The following CHMP2B variants were observed in gnomAD, a reference collection of about 807,000 sequenced individuals.
CHMP2B encodes the protein charged multivesicular body protein 2B.
A neutral mutation model predicts 29.8 loss-of-function variants in CHMP2B; 22 were observed. The ratio of observed to expected loss-of-function variants is 0.74; its 90% CI spans 0.53 to 1.05. The LOEUF is 1.05. CHMP2B is among the 50% of genes least tolerant of loss of function. The pLI is 0.00. For synonymous variants in CHMP2B, 78 were observed against 75.8 expected (o/e 1.03, Z -0.15); for missense variants, 261 against 252.2 (o/e 1.03, Z -0.24).
intron 1 of CHMP2B, 148 bp downstream of exon 1, chr3:87,227,704 C>T: frequency 9.9e-7 from 1 of 1,012,756 alleles, no homozygotes; most frequent in Non-Finnish European, 1.6e-6. Flanking sequence ...CACCACTTCT[C>T]TGCCTCCCTC....
Position 87,240,660 on chromosome 3 carries a change from A to G in CHMP2B, c.35-39A>G, listed in dbSNP as rs199782917. ...TATTTTAAATGATATTGAAAATTTT[A>G]CAACCCATAAATTTAGGTTTCTTTT... On this transcript the variant is annotated intron_variant, in intron 1 of 5. Transcript: ENST00000263780. The G allele has an allele frequency of 1.2e-5, 16 of 1,360,606 alleles. No individual in the cohort carries two copies. The East Asian group carries it at 3.7e-4, about 31-fold the overall frequency. The allele number at this position is 1,360,606 out of a possible 1,614,324, so 84.3% of individuals were successfully genotyped here. A position where few individuals can be genotyped will look rare whatever the true frequency, so the allele number is the denominator to read the frequency against.
In CHMP2B at chr3:87,247,143, G is replaced by A. The variant is rs139351287; in HGVS notation, c.321+1235G>A. 1.9e-3 allele frequency among the ~76,000 whole-genome samples: 292 copies of A among 152,290 alleles called. 5 individuals are homozygous for A. The highest frequency in any genetic ancestry group is 6.6e-3 in the African/African-American group (273 of 41,552). Reference sequence around the variant, plus strand: ...ATGAAGTCGGGAACACTGAAATAGTGCATATTGAACCATTGCTCCCAGGGG... The same window carrying A: ...ATGAAGTCGGGAACACTGAAATAGTACATATTGAACCATTGCTCCCAGGGG... On this transcript the variant is annotated intron_variant, in intron 3 of 5. Transcript: ENST00000263780.
chr3:87,245,863 G>A lies in CHMP2B; in HGVS notation c.276G>A (p.Met92Ile). Reference protein sequence around the residue: ...VTSMSTQTKVMNSQMKMAGAM... With the variant: ...VTSMSTQTKVINSQMKMAGAM... ...CTATGTCTACACAAACAAAAGTGATGAATTCCCAAATGAAGATGGCTGGAG... is the reference window on the plus strand; with the variant it reads ...CTATGTCTACACAAACAAAAGTGATAAATTCCCAAATGAAGATGGCTGGAG... Residue 92 changes from methionine to isoleucine, a missense_variant, in exon 3 of 6, where the codon ATG (methionine) becomes ATA (isoleucine). Transcript: ENST00000263780. The A allele has an allele frequency of 1.2e-6, 2 of 1,613,362 alleles. No homozygotes were observed. The highest frequency in any genetic ancestry group is 8.5e-7 in the Non-Finnish European group (1 of 1,179,782).
At position 87,254,114 on chromosome 3, in the gene CHMP2B, C is replaced by CA. The variant is rs1706362072; in HGVS notation, c.*293dup. On this transcript the variant is annotated 3_prime_UTR_variant, in exon 6 of 6. Transcript: ENST00000263780. ...AGAAATTATATTCCTTACTTCATGTCAGTTTATGTTCTAAATCTTTTTCAC... is the reference window on the plus strand; with the variant it reads ...AGAAATTATATTCCTTACTTCATGTCAAGTTTATGTTCTAAATCTTTTTCAC... The CA allele has an allele frequency of 3.5e-6, 1 of 285,906 alleles. No individual in the cohort carries two copies. Among genetic ancestry groups the CA allele is most frequent in the Non-Finnish European group, 6.8e-6 (1 of 147,654 alleles). 17.7% of individuals were successfully genotyped at this position (285,906 alleles called of 1,614,324 possible). A position where few individuals can be genotyped will look rare whatever the true frequency, so the allele number is the denominator to read the frequency against.
chr3:87,244,433 T>G (rs1238331783), intron 2 of CHMP2B, among the ~76,000 whole-genome samples: 3 of 152,106 alleles, frequency 2.0e-5, no homozygotes, highest in Non-Finnish European at 4.4e-5. Context: ...ATGTTGAAGC[T>G]TATGAAGTAT....
chr3:87,253,147 A>G (rs778638012), intron 4 of CHMP2B: 2 of 366,664 alleles, frequency 5.5e-6, no homozygotes, highest in Non-Finnish European at 1.0e-5. Context: ...TTTGTCTATT[A>G]GAATTAATTT....
At chr3:87,235,507 T>C (rs771458741) in intron 1 of CHMP2B, among the ~76,000 whole-genome samples, 2 of 152,186 alleles carry the variant, frequency 1.3e-5, no homozygotes, top group Non-Finnish European at 2.9e-5. Context: ...AATAGGCCTA[T>C]TAACAACTAT....
rs1252485172 is a variant in CHMP2B at position 87,254,582 on chromosome 3, GC to G, written c.*762del. 1 of 151,728 alleles carries G rather than the reference GC, an allele frequency of 6.6e-6. No homozygotes were observed. Among genetic ancestry groups the G allele is most frequent in the Non-Finnish European group, 1.5e-5 (1 of 67,842 alleles). The allele number at this position is 151,728 out of a possible 1,614,324, so 9.4% of individuals were successfully genotyped here. A position where few individuals can be genotyped will look rare whatever the true frequency, so the allele number is the denominator to read the frequency against. On this transcript the variant is annotated 3_prime_UTR_variant, in exon 6 of 6. Transcript: ENST00000263780. ...AAATATGTACTCTTATTTTAGACAC[GC>G]CTCTGTTAAAACAGACCAGGTTTTC...
chr3:87,240,940 G>A (rs1305598715), intron 2 of CHMP2B, 150 bp downstream of exon 2: 1 of 672,056 alleles, frequency 1.5e-6, no homozygotes, highest in Non-Finnish European at 2.7e-6. Context: ...TGTATCTTCT[G>A]CTTACCTTTG....
chr3:87,245,930 C>G, intron 3 of CHMP2B, 22 bp downstream of exon 3: 1 of 1,559,674 alleles, frequency 6.4e-7, no homozygotes, highest in Non-Finnish European at 8.8e-7. Flanking sequence ...CTTTTATATT[C>G]ATAGATTTTT....
At chr3:87,235,878 G>C (rs924007920) in intron 1 of CHMP2B, among the ~76,000 whole-genome samples, 2 of 152,164 alleles carry the variant, frequency 1.3e-5, no homozygotes, top group Non-Finnish European at 2.9e-5. Flanking sequence ...TGACTGACCA[G>C]GGTTTTCCTA....
In CHMP2B at chr3:87,245,902, A is replaced by G. The variant is rs778796624; in HGVS notation, c.315A>G (p.Thr105=). Residue 105 remains threonine (T), a synonymous_variant, in exon 3 of 6, where the codon ACA becomes ACG. Transcript: ENST00000263780. ...QMKMAGAMST[T]AKTMQAVNKK... ...AGATGGCTGGAGCAATGTCTACTAC[A>G]GCAAAAGTAAGTGAGAGCTTTTATA... 33 of 1,606,450 alleles carry G rather than the reference A, an allele frequency of 2.1e-5. No individual in the cohort carries two copies. The highest frequency in any genetic ancestry group is 2.6e-5 in the Non-Finnish European group (31 of 1,174,520).
chr3:87,245,421 G>T (rs1430057672), intron 2 of CHMP2B, among the ~76,000 whole-genome samples: 8 of 150,252 alleles, frequency 5.3e-5, no homozygotes, highest in Admixed American at 1.3e-4. Flanking sequence ...CCTTCTTTTG[G>T]ATAGTCTTTT....
intron 1 of CHMP2B, among the ~76,000 whole-genome samples, chr3:87,231,465 C>A (rs1000639267): frequency 1.4e-4 from 21 of 152,236 alleles, no homozygotes; most frequent in Admixed American, 1.3e-3. Flanking sequence ...CTTTTCTTTC[C>A]TGTAGCTTCA....
intron 2 of CHMP2B, among the ~76,000 whole-genome samples, chr3:87,243,104 T>C (rs78032854): frequency 1.2e-3 from 190 of 152,290 alleles, no homozygotes; most frequent in African/African-American, 4.4e-3. Context: ...GAAGTTATTA[T>C]GTATCTCTCC....
chr3:87,236,098 T>C (rs1383495692), intron 1 of CHMP2B, among the ~76,000 whole-genome samples: 2 of 152,182 alleles, frequency 1.3e-5, no homozygotes, highest in African/African-American at 4.8e-5. Flanking sequence ...TGTTCACCAA[T>C]TGAGAGGTTC....
intron 1 of CHMP2B, among the ~76,000 whole-genome samples, chr3:87,231,383 C>T (rs1705907542): frequency 6.6e-6 from 1 of 152,136 alleles, no homozygotes; most frequent in African/African-American, 2.4e-5. Context: ...ATAGGATCTT[C>T]CTCTCTGTGT....
rs892278366 is a variant in CHMP2B at position 87,254,750 on chromosome 3, TTA to T, written c.*932_*933del. On this transcript the variant is annotated 3_prime_UTR_variant, in exon 6 of 6. Coordinates refer to ENST00000263780, the MANE Select transcript of CHMP2B (RefSeq NM_014043.4). The stretch of plus-strand genomic sequence containing the variant: ...GGCCATCTAAAAATGAGAATTATAA[TTA>T]TATGAATTATAATTTAAACTGTTTA... 1 of 151,884 alleles carries T rather than the reference TTA, an allele frequency of 6.6e-6. No individual in the cohort carries two copies. Among genetic ancestry groups the T allele is most frequent in the African/African-American group, 2.4e-5 (1 of 41,402 alleles). 9.4% of individuals were successfully genotyped at this position (151,884 alleles called of 1,614,324 possible).
At position 87,227,395 on chromosome 3, in the gene CHMP2B, G is replaced by T; in HGVS notation, c.-128G>T. The T allele has an allele frequency of 9.4e-7, 1 of 1,062,756 alleles. No homozygotes were observed. The highest frequency in any genetic ancestry group is 1.3e-5 in the South Asian group (1 of 78,210). The allele number at this position is 1,062,756 out of a possible 1,614,324, so 65.8% of individuals were successfully genotyped here. On this transcript the variant is annotated 5_prime_UTR_variant, in exon 1 of 6. Coordinates refer to ENST00000263780, the MANE Select transcript of CHMP2B (RefSeq NM_014043.4). ...TCCGCGGGTCCTGCCTGGCGACCCC[G>T]ACCTCCTCCTGCTGTCTCTCCGCTC...
Sources: gnomAD v4.1 joint callset for allele counts (sites outside exome capture counted in the v4.1 genomes callset) on GRCh38, gnomAD v4.1.1 for gene constraint, MANE v1.5 for transcripts, NCBI Gene and HGNC (gene_info 2026-07-23, HGNC 2026-07-21) for gene names.